ARB2A: variants seen among roughly 807,000 people sequenced by gnomAD.
ARB2A encodes ARB2 cotranscriptional regulator A, also known as cotranscriptional regulator ARB2A.
chr5:93,684,858 G>A, the ARB2A span, among the ~76,000 whole-genome samples: 9 of 152,162 alleles, frequency 5.9e-5, no homozygotes, highest in Admixed American at 5.9e-4. Context: ...GGTAAACAGT[G>A]CCACTCTCAT....
chr5:93,993,383 T>C, the ARB2A span, among the ~76,000 whole-genome samples: 1 of 152,136 alleles, frequency 6.6e-6, no homozygotes, highest in African/African-American at 2.4e-5. Flanking sequence ...AAATGGCTCA[T>C]TAACTTGAAT....
At chr5:93,782,096 C>T in the ARB2A span, among the ~76,000 whole-genome samples, 3 of 152,080 alleles carry the variant, frequency 2.0e-5, no homozygotes, top group African/African-American at 7.2e-5. Context: ...TACAAGGATA[C>T]CTGTCATACT....
chr5:94,091,653 T>C, the ARB2A span, among the ~76,000 whole-genome samples: 13,539 of 152,228 alleles, frequency 0.089, 771 homozygotes, highest in Middle Eastern at 0.16. Flanking sequence ...CCATATAGAA[T>C]GGAGCCACAG....
chr5:94,038,309 T>C, the ARB2A span, among the ~76,000 whole-genome samples: 9 of 152,078 alleles, frequency 5.9e-5, no homozygotes, highest in African/African-American at 2.2e-4. Flanking sequence ...CATTATTTCT[T>C]GGCATTCAAC....
At chr5:93,948,649 C>G in the ARB2A span, among the ~76,000 whole-genome samples, 1 of 152,056 alleles carries the variant, frequency 6.6e-6, no homozygotes, top group Non-Finnish European at 1.5e-5. Flanking sequence ...TTAGGTCTAA[C>G]GTTTAAGTCT....
At chr5:93,734,817 CT>C in the ARB2A span, 81 of 145,326 alleles carry the variant, frequency 5.6e-4, no homozygotes, top group Non-Finnish European at 4.9e-4. Flanking sequence ...TTTTCTTTTG[CT>C]TTTTTTTTTT....
chr5:93,831,188 T>G, the ARB2A span, among the ~76,000 whole-genome samples: 2 of 151,928 alleles, frequency 1.3e-5, no homozygotes, highest in Non-Finnish European at 2.9e-5. Context: ...GGCCATGGAC[T>G]GGTACCCATC....
chr5:93,942,148 T>C, the ARB2A span, among the ~76,000 whole-genome samples: 1 of 152,146 alleles, frequency 6.6e-6, no homozygotes, highest in Non-Finnish European at 1.5e-5. Context: ...CTGTCTTCTG[T>C]CAAGAGTTGA....
At chr5:93,632,192 A>C in the ARB2A span, among the ~76,000 whole-genome samples, 7 of 152,312 alleles carry the variant, frequency 4.6e-5, no homozygotes, top group East Asian at 1.4e-3. Flanking sequence ...ACTAAGAAGA[A>C]AACCCAATAG....
the ARB2A span, among the ~76,000 whole-genome samples, chr5:94,023,309 G>T: frequency 1.3e-5 from 2 of 152,176 alleles, no homozygotes; most frequent in African/African-American, 4.8e-5. Context: ...CCATAGATGA[G>T]CCCAATATCC....
the ARB2A span, among the ~76,000 whole-genome samples, chr5:93,623,507 T>C: frequency 6.6e-6 from 1 of 152,198 alleles, no homozygotes; most frequent in Non-Finnish European, 1.5e-5. Flanking sequence ...TTATTTCTTC[T>C]TTACGGGTAA....
the ARB2A span, among the ~76,000 whole-genome samples, chr5:93,819,846 C>T: frequency 1.3e-5 from 2 of 152,234 alleles, no homozygotes; most frequent in African/African-American, 4.8e-5. Context: ...GCAGCTTAGG[C>T]TGCCTGGAGG....
At chr5:93,842,644 A>G in the ARB2A span, among the ~76,000 whole-genome samples, 4 of 152,218 alleles carry the variant, frequency 2.6e-5, no homozygotes, top group African/African-American at 9.6e-5. Flanking sequence ...TCCAATCTCA[A>G]GCTGGCAGTG....
chr5:93,819,499 A>G, the ARB2A span, among the ~76,000 whole-genome samples: 1 of 152,262 alleles, frequency 6.6e-6, no homozygotes, highest in Non-Finnish European at 1.5e-5. Context: ...TCTGGATACC[A>G]TTATGATTCA....
the ARB2A span, among the ~76,000 whole-genome samples, chr5:93,992,737 A>G: frequency 1.3e-5 from 2 of 152,218 alleles, no homozygotes; most frequent in East Asian, 3.9e-4. Context: ...TTACTTAGAT[A>G]AAATATAAAA....
the ARB2A span, among the ~76,000 whole-genome samples, chr5:94,099,311 G>C: frequency 6.6e-6 from 1 of 152,092 alleles, no homozygotes; most frequent in East Asian, 1.9e-4. Flanking sequence ...CAGGATGCAA[G>C]GCTGATTCAA....
At chr5:93,669,024 T>C in the ARB2A span, among the ~76,000 whole-genome samples, 13 of 152,350 alleles carry the variant, frequency 8.5e-5, no homozygotes, top group African/African-American at 3.1e-4. Flanking sequence ...TTTGGAACTT[T>C]CTAAAGTACT....
the ARB2A span, among the ~76,000 whole-genome samples, chr5:93,755,467 T>C: frequency 7.9e-5 from 12 of 152,294 alleles, no homozygotes; most frequent in African/African-American, 2.6e-4. Flanking sequence ...TAGCTCTAGA[T>C]TGACTGCAAG....
At chr5:93,814,011 G>C in the ARB2A span, among the ~76,000 whole-genome samples, 6 of 152,100 alleles carry the variant, frequency 3.9e-5, no homozygotes, top group Admixed American at 1.3e-4. Flanking sequence ...GCGCTTCTAA[G>C]TGTTCAAAAT....
Sources: gnomAD v4.1 joint callset for allele counts (sites outside exome capture counted in the v4.1 genomes callset) on GRCh38, gnomAD v4.1.1 for gene constraint, MANE v1.5 for transcripts, NCBI Gene and HGNC (gene_info 2026-07-23, HGNC 2026-07-21) for gene names.